Variants in YES1 observed in about 807,000 individuals in gnomAD.
The protein encoded by YES1 is tyrosine-protein kinase Yes.
In YES1, 39 loss-of-function variants were observed where a neutral mutation model predicts 70.4. That is an observed-to-expected ratio of 0.55 (90% CI 0.43 to 0.72). YES1 has a LOEUF of 0.72. Ranked by LOEUF, YES1 falls within the 30% of genes least tolerant of loss-of-function variation. The pLI is 0.00. For synonymous variants in YES1, 198 were observed against 218.6 expected (o/e 0.91, Z 0.83); for missense variants, 495 against 644.8 (o/e 0.77, Z 2.52).
intron 8 of YES1, 107 bp from the exon 9 acceptor site, chr18:739,918 AT>A (rs3840903): frequency 0.52 from 397,285 of 760,410 alleles, 109,302 homozygotes; most frequent in East Asian, 0.69. Flanking sequence ...TTAGCTTTTC[AT>A]TTTTTTTAAA....
At chr18:774,933 G>GTA (rs1905303476) in intron 1 of YES1, 1 of 152,270 alleles carries the variant, frequency 6.6e-6, no homozygotes, top group African/African-American at 2.4e-5. Flanking sequence ...TGCTACACTG[G>GTA]CCTTCCTGCT....
chr18:738,413 A>G (rs948986899), intron 9 of YES1: 9 of 152,392 alleles, frequency 5.9e-5, no homozygotes, highest in South Asian at 2.1e-4. Context: ...AATTCAGGCC[A>G]GGTGCAGTGG....
Position 743,019 on chromosome 18 carries a change from T to G in YES1, c.959A>C (p.Glu320Ala). Reference sequence around the variant, plus strand: ...TCTTAATTTTTTCATTATCTGAGCTTCTTGAAGGAAAGCTTCTGGCATCAT... The same window carrying G: ...TCTTAATTTTTTCATTATCTGAGCTGCTTGAAGGAAAGCTTCTGGCATCAT... The part of the protein sequence containing the change: ...GTMMPEAFLQ[E>A]AQIMKKLRHD... The change falls in exon 8 of 12, where the codon GAA becomes GCA. Residue 320 changes from glutamate (E) to alanine (A), a missense_variant. Physicochemically the swap from Glu to Ala is moderately radical, Grantham distance 107 (BLOSUM62 -1). Around this residue, in one of 2 missense-constraint regions of YES1, gnomAD observed 385 missense variants for 540.9 expected, o/e 0.71. Transcript: ENST00000314574. The G allele has an allele frequency of 6.2e-7, 1 of 1,612,790 alleles. No individual in the cohort carries two copies. The highest frequency in any genetic ancestry group is 8.5e-7 in the Non-Finnish European group (1 of 1,179,804).
intron 11 of YES1, among the ~76,000 whole-genome samples, chr18:728,350 A>AT (rs2080046615): frequency 6.6e-6 from 1 of 152,000 alleles, no homozygotes; most frequent in South Asian, 2.1e-4. Flanking sequence ...TTTATGTTTC[A>AT]TATACACCTT....
At chr18:735,568 G>A (rs2080142943) in intron 10 of YES1, among the ~76,000 whole-genome samples, 2 of 151,444 alleles carry the variant, frequency 1.3e-5, no homozygotes, top group South Asian at 4.1e-4. Flanking sequence ...ACAAAAATTA[G>A]CTGGGTGTGG....
chr18:731,234 GA>G (rs2080084275), intron 11 of YES1, among the ~76,000 whole-genome samples: 1 of 152,098 alleles, frequency 6.6e-6, no homozygotes, highest in Non-Finnish European at 1.5e-5. Flanking sequence ...AAGGTAGAGT[GA>G]AAGACAAGAT....
At chr18:744,072 ATTTT>A (rs569746386) in intron 6 of YES1, among the ~76,000 whole-genome samples, 1 of 150,164 alleles carries the variant, frequency 6.7e-6, no homozygotes, top group South Asian at 2.1e-4. Context: ...TAAAATATAT[ATTTT>A]TTTAAGTTAT....
At chr18:751,001 G>A (rs112072774) in intron 3 of YES1, among the ~76,000 whole-genome samples, 23 of 152,218 alleles carry the variant, frequency 1.5e-4, no homozygotes, top group African/African-American at 5.5e-4. Flanking sequence ...TATCATTGTC[G>A]TTTTCCTTTT....
Position 743,376 on chromosome 18 carries a change from C to A in YES1, c.764G>T (p.Cys255Phe). The change falls in exon 7 of 12, where the codon TGT (cysteine) becomes TTT (phenylalanine). Residue 255 changes from cysteine to phenylalanine, a missense_variant. Cys to Phe is a radical substitution (Grantham distance 205). This residue lies in a region of YES1 where 385 missense variants were observed against 540.9 expected (regional missense o/e 0.71). Coordinates refer to ENST00000314574, the MANE Select transcript of YES1 (RefSeq NM_005433.4). The part of the protein sequence containing the change: ...DGLCHKLTTV[C>F]PTVKPQTQGL... Reference sequence around the variant, plus strand: ...TTGAGTCTGAGGTTTCACAGTTGGACACACAGTTGTCAACTTGTGGCATAA... The same window carrying A: ...TTGAGTCTGAGGTTTCACAGTTGGAAACACAGTTGTCAACTTGTGGCATAA... 1.2e-6 allele frequency: 2 copies of A among 1,612,984 alleles called. No individual in the cohort carries two copies.
chr18:787,198 C>T (rs1906006795), intron 1 of YES1, among the ~76,000 whole-genome samples: 1 of 136,268 alleles, frequency 7.3e-6, no homozygotes, highest in Admixed American at 8.5e-5. Flanking sequence ...CTCCCGGGTT[C>T]AAGAGATTCT....
At chr18:769,727 T>C (rs372350553) in intron 1 of YES1, among the ~76,000 whole-genome samples, 4 of 152,210 alleles carry the variant, frequency 2.6e-5, no homozygotes, top group South Asian at 2.1e-4. Flanking sequence ...TAATTGATTA[T>C]TGACTGTTAA....
At position 793,870 on chromosome 18, in the gene YES1, T is replaced by C. The variant is rs562039292; in HGVS notation, c.-9+18244A>G. 5.3e-4 allele frequency among the ~76,000 whole-genome samples: 81 copies of C among 151,896 alleles called. 1 individual carries two copies. The highest frequency in any genetic ancestry group is 1.5e-3 in the African/African-American group (62 of 41,436). The stretch of plus-strand genomic sequence containing the variant: ...GAATCTGAGCATCAAGAAAAAAAAA[T>C]GGTGACACTAACAGATTACAACTAG... On this transcript the variant is annotated intron_variant, in intron 1 of 11. Transcript: ENST00000314574.
chr18:797,257 GC>G (rs1906594045), intron 1 of YES1, among the ~76,000 whole-genome samples: 1 of 151,920 alleles, frequency 6.6e-6, no homozygotes, highest in African/African-American at 2.4e-5. Flanking sequence ...AATTGAAAAA[GC>G]AAATTAAAAT....
intron 1 of YES1, among the ~76,000 whole-genome samples, chr18:808,684 A>T (rs980074674): frequency 6.6e-6 from 1 of 152,202 alleles, no homozygotes; most frequent in Non-Finnish European, 1.5e-5. Context: ...GTGATATAAA[A>T]ATTTGGCACA....
intron 2 of YES1, among the ~76,000 whole-genome samples, chr18:754,148 T>C (rs1874553016): frequency 6.6e-6 from 1 of 152,106 alleles, no homozygotes; most frequent in African/African-American, 2.4e-5. Context: ...ATCAAATCCT[T>C]TACTTAATCT....
At chr18:751,019 T>C (rs2080335450) in intron 3 of YES1, among the ~76,000 whole-genome samples, 1 of 152,214 alleles carries the variant, frequency 6.6e-6, no homozygotes, top group Non-Finnish European at 1.5e-5. Context: ...TTTATCTTGA[T>C]GGCAAGTGGT....
rs1302203326 is a variant in YES1, at chr18:732,816, T to C, written c.1423+18A>G. On this transcript the variant is annotated intron_variant, in intron 11 of 11. Transcript: ENST00000314574. ...AGCCACTCATGAGATAACCAAGAGC[T>C]ATAAAATGCAAGCTTACCTGGATAT... 2 of 1,614,086 alleles carry C rather than the reference T, an allele frequency of 1.2e-6. No homozygotes were observed. The highest frequency in any genetic ancestry group is 8.5e-7 in the Non-Finnish European group (1 of 1,179,946).
intron 1 of YES1, among the ~76,000 whole-genome samples, chr18:763,120 G>A (rs1904679137): frequency 6.6e-6 from 1 of 152,136 alleles, no homozygotes; most frequent in Non-Finnish European, 1.5e-5. Flanking sequence ...TTCATTTTAG[G>A]AACAGAAAAT....
At chr18:809,932 T>C (rs1907287433) in intron 1 of YES1, among the ~76,000 whole-genome samples, 1 of 151,856 alleles carries the variant, frequency 6.6e-6, no homozygotes, top group Non-Finnish European at 1.5e-5. Context: ...ATCTCCTCCC[T>C]CTTCCCATAT....
Sources: allele counts gnomAD v4.1 joint callset (sites outside exome capture counted in the v4.1 genomes callset), GRCh38; gene constraint gnomAD v4.1.1; regional missense constraint gnomAD v4.1.1; transcripts MANE v1.5; gene names NCBI Gene and HGNC (gene_info 2026-07-23, HGNC 2026-07-21).